The following TEX11 variants were observed in gnomAD, a reference collection of about 807,000 sequenced individuals.
The protein encoded by TEX11 is testis-expressed protein 11.
A neutral mutation model predicts 84.4 loss-of-function variants in TEX11; 7 were observed. That is an observed-to-expected ratio of 0.08 (90% CI 0.05 to 0.16). TEX11 has a LOEUF of 0.16. Ranked by LOEUF, TEX11 falls within the 10% of genes least tolerant of loss-of-function variation. The probability of loss-of-function intolerance (pLI) is 1.00; values close to 1 mark genes in which losing one functional copy is unlikely to be tolerated. For missense variants in TEX11, 551 were observed against 660.5 expected, an observed-to-expected ratio of 0.83 and a Z score of 1.82; for synonymous variants, 264 against 222.8, an observed-to-expected ratio of 1.18 and a Z score of -1.64.
intron 17 of TEX11, among the ~76,000 whole-genome samples, chrX:70,647,098 C>G: frequency 9.0e-6 from 1 of 110,914 alleles, no homozygotes; most frequent in South Asian, 3.8e-4. Context: ...AGGTATGAAC[C>G]TCGAAGACAT....
At chrX:70,644,869 A>G (rs2147597119) in intron 17 of TEX11, among the ~76,000 whole-genome samples, 1 of 104,362 alleles carries the variant, frequency 9.6e-6, no homozygotes, top group Admixed American at 1.0e-4. Context: ...ACATGTATAC[A>G]TATGTAACTA....
intron 4 of TEX11, among the ~76,000 whole-genome samples, chrX:70,861,638 T>C (rs2091570733): frequency 9.1e-6 from 1 of 109,964 alleles, no homozygotes; most frequent in African/African-American, 3.3e-5. Context: ...AGCTAATTTT[T>C]GTATTTTTAG....
At chrX:70,745,209 A>C (rs2090761019) in intron 9 of TEX11, among the ~76,000 whole-genome samples, 1 of 109,800 alleles carries the variant, frequency 9.1e-6, no homozygotes. Context: ...TGGGGAGCAG[A>C]GAAATTTGAT....
chrX:70,619,509 A>C (rs762427923), intron 20 of TEX11, among the ~76,000 whole-genome samples: 3 of 107,975 alleles, frequency 2.8e-5, no homozygotes, highest in Non-Finnish European at 5.9e-5. Context: ...AGAAAAAAGG[A>C]GGAATAGTAG....
At chrX:70,617,217 T>C (rs2089327854) in intron 20 of TEX11, among the ~76,000 whole-genome samples, 1 of 109,112 alleles carries the variant, frequency 9.2e-6, no homozygotes, top group Non-Finnish European at 1.9e-5. Flanking sequence ...AAGGAATTTG[T>C]TGCCAGTAGA....
intron 13 of TEX11, among the ~76,000 whole-genome samples, chrX:70,706,129 TA>T (rs1202108576): frequency 9.0e-6 from 1 of 111,266 alleles, no homozygotes; most frequent in African/African-American, 3.3e-5. Context: ...TATGCAGCCA[TA>T]AAAAAGGATG....
intron 9 of TEX11, among the ~76,000 whole-genome samples, chrX:70,780,885 C>A (rs1176440441): frequency 8.9e-6 from 1 of 112,506 alleles, no homozygotes; most frequent in Non-Finnish European, 1.9e-5. Context: ...CAGGGCAGAG[C>A]TGAACAAAAG....
intron 17 of TEX11, among the ~76,000 whole-genome samples, chrX:70,636,427 GC>G (rs1460135988): frequency 9.0e-6 from 1 of 110,830 alleles, no homozygotes; most frequent in East Asian, 2.8e-4. Flanking sequence ...TGCCAGGCTA[GC>G]CCCCATGGAC....
At chrX:70,626,931 G>T (rs1478722774) in intron 18 of TEX11, among the ~76,000 whole-genome samples, 1 of 112,026 alleles carries the variant, frequency 8.9e-6, no homozygotes, top group Non-Finnish European at 1.9e-5. Context: ...AGAGGAACTA[G>T]CAAAGGAGAA....
At chrX:70,720,126 T>C (rs1326762076) in intron 13 of TEX11, among the ~76,000 whole-genome samples, 2 of 111,816 alleles carry the variant, frequency 1.8e-5, no homozygotes, top group Non-Finnish European at 3.8e-5. Context: ...AACCCAAATG[T>C]CCAACAATGA....
chrX:70,839,970 T>A (rs2091432159), intron 7 of TEX11, among the ~76,000 whole-genome samples: 1 of 111,405 alleles, frequency 9.0e-6, no homozygotes, highest in Non-Finnish European at 1.9e-5. Context: ...CCAAGAAATA[T>A]GGGACTATTG....
intron 25 of TEX11, among the ~76,000 whole-genome samples, chrX:70,561,634 C>T (rs1321192608): frequency 1.8e-5 from 2 of 110,420 alleles, no homozygotes; most frequent in East Asian, 5.6e-4. Context: ...GATCCACCTG[C>T]CTTGGCCTCC....
At chrX:70,668,357 C>A (rs767964119) in intron 16 of TEX11, among the ~76,000 whole-genome samples, 1 of 112,225 alleles carries the variant, frequency 8.9e-6, no homozygotes, top group African/African-American at 3.2e-5. Context: ...AAAGGTTAGA[C>A]ACTGGCGAGG....
intron 25 of TEX11, among the ~76,000 whole-genome samples, chrX:70,573,962 C>G (rs958829555): frequency 9.0e-6 from 1 of 111,616 alleles, no homozygotes; most frequent in African/African-American, 3.2e-5. Flanking sequence ...ACCACTAATA[C>G]TTTCGATGAT....
intron 11 of TEX11, among the ~76,000 whole-genome samples, chrX:70,727,912 C>G (rs771984163): frequency 8.9e-6 from 1 of 112,194 alleles, no homozygotes; most frequent in Admixed American, 9.5e-5. Flanking sequence ...AGTTCTGTTG[C>G]TTAAGCCACC....
chrX:70,741,277 C>T (rs1043785700), intron 10 of TEX11, among the ~76,000 whole-genome samples: 2 of 111,279 alleles, frequency 1.8e-5, no homozygotes, highest in Non-Finnish European at 3.8e-5. Flanking sequence ...ATCCAAAAGA[C>T]GTAACAAAAT....
Position 70,658,279 on chromosome X carries a change from C to T in TEX11, c.1381-6727G>A. On this transcript the variant is annotated intron_variant, in intron 16 of 29. Coordinates refer to ENST00000374333, the MANE Select transcript of TEX11 (RefSeq NM_031276.3). The stretch of plus-strand genomic sequence containing the variant: ...CAAAAATACAAAAATTAGCCGGGCA[C>T]GATGGCGGGTGCCTGTAATCCCAGC... 1.8e-5 allele frequency among the ~76,000 whole-genome samples: 2 copies of T among 110,191 alleles called. 1 individual carries two copies.
downstream of TEX11, among the ~76,000 whole-genome samples, chrX:70,527,717 G>T (rs991032000): frequency 8.9e-6 from 1 of 111,844 alleles, no homozygotes; most frequent in African/African-American, 3.3e-5. Context: ...TTATGTAAGA[G>T]AGTATCCCTG....
chrX:70,648,907 C>T (rs2089779298), intron 17 of TEX11, among the ~76,000 whole-genome samples: 1 of 110,180 alleles, frequency 9.1e-6, no homozygotes, highest in Non-Finnish European at 1.9e-5. Context: ...GTGTTGTTCC[C>T]CTTCCTGTGT....
Sources: allele counts gnomAD v4.1 joint callset (sites outside exome capture counted in the v4.1 genomes callset), GRCh38; gene constraint gnomAD v4.1.1; transcripts MANE v1.5; gene names NCBI Gene and HGNC (gene_info 2026-07-23, HGNC 2026-07-21).